The following PDE4B variants were observed in gnomAD, a reference collection of about 807,000 sequenced individuals.
PDE4B encodes 3',5'-cyclic-AMP phosphodiesterase 4B.
In PDE4B, 20 loss-of-function variants were observed where a neutral mutation model predicts 82.2. That is an observed-to-expected ratio of 0.24 (90% confidence interval 0.17 to 0.35). PDE4B has a LOEUF of 0.35. Among genes scored for constraint, PDE4B ranks in the 10% least tolerant of loss-of-function variants. The pLI is 1.00. For missense variants in PDE4B, 655 were observed against 907.2 expected (o/e 0.72, Z 3.57); for synonymous variants, 320 against 318.9 (o/e 1.00, Z -0.04).
chr1:66,366,086 A>C (rs1297124229), intron 13 of PDE4B, among the ~76,000 whole-genome samples: 1 of 152,148 alleles, frequency 6.6e-6, no homozygotes, highest in East Asian at 1.9e-4. Flanking sequence ...ATCCCATGAT[A>C]ATGACTTTTT....
At chr1:66,033,696 A>G (rs1375884405) in intron 3 of PDE4B, among the ~76,000 whole-genome samples, 1 of 146,126 alleles carries the variant, frequency 6.8e-6, no homozygotes, top group Non-Finnish European at 1.5e-5. Context: ...AAGCAAAAGT[A>G]GACAGCAGCA....
chr1:66,372,892 G>C lies in PDE4B; in HGVS notation c.*214G>C. On this transcript the variant is annotated 3_prime_UTR_variant, in exon 17 of 17. Coordinates refer to ENST00000341517, the MANE Select transcript of PDE4B (RefSeq NM_002600.4). Reference sequence around the variant, plus strand: ...TTGCCTTGATGGCAAGCTTGGTGGAGAGGGCTGAAGCTGTTGCTGGGGGCC... The same window carrying C: ...TTGCCTTGATGGCAAGCTTGGTGGACAGGGCTGAAGCTGTTGCTGGGGGCC... The C allele has an allele frequency of 1.8e-6, 1 of 540,826 alleles. No homozygotes were observed. The highest frequency in any genetic ancestry group is 3.3e-6 in the Non-Finnish European group (1 of 303,302). The allele number at this position is 540,826 out of a possible 1,614,324, so 33.5% of individuals were successfully genotyped here.
intron 1 of PDE4B, among the ~76,000 whole-genome samples, chr1:65,861,058 C>G (rs994990037): frequency 6.6e-6 from 1 of 152,108 alleles, no homozygotes; most frequent in South Asian, 2.1e-4. Context: ...TTAATTAGAT[C>G]CCTTTTGTCA....
At chr1:66,368,641 A>AT (rs990184613) in intron 15 of PDE4B, 146 bp from the exon 16 acceptor site, 24 of 504,882 alleles carry the variant, frequency 4.8e-5, no homozygotes, top group Non-Finnish European at 6.4e-5. Context: ...TTGTAATTCC[A>AT]TTTTTTTTCG....
chr1:66,294,944 C>G (rs934871671), intron 7 of PDE4B, among the ~76,000 whole-genome samples: 10 of 152,164 alleles, frequency 6.6e-5, no homozygotes, highest in Non-Finnish European at 5.9e-5. Flanking sequence ...ATAGCTGGCT[C>G]AGAGAACCTT....
chr1:66,222,935 GAAT>G (rs1651114424), intron 3 of PDE4B, among the ~76,000 whole-genome samples: 1 of 152,118 alleles, frequency 6.6e-6, no homozygotes, highest in African/African-American at 2.4e-5. Flanking sequence ...TAAAGTAAAT[GAAT>G]AATAAAAGAT....
rs766627917 is a variant in PDE4B, at chr1:65,887,186, TTTTCTTTC to T, written c.-70-26003_-70-25996del. 4.8e-4 allele frequency among the ~76,000 whole-genome samples: 29 copies of T among 60,116 alleles called. 1 individual carries two copies. Among genetic ancestry groups the T allele is most frequent in the South Asian group, 1.6e-3 (2 of 1,242 alleles). 39.4% of individuals were successfully genotyped at this position (60,116 alleles called of 152,430 possible). On this transcript the variant is annotated intron_variant, in intron 1 of 16. Coordinates refer to ENST00000341517, the MANE Select transcript of PDE4B (RefSeq NM_002600.4). Reference sequence around the variant, plus strand: ...TCCTTCCTTCCCTCCCTCCCTCCCTTTTTCTTTCTTTCTTTCTTTCTTTCTTTCTTTCT... The same window carrying T: ...TCCTTCCTTCCCTCCCTCCCTCCCTTTTTCTTTCTTTCTTTCTTTCTTTCT...
chr1:66,196,487 A>G (rs1230211386), intron 3 of PDE4B, among the ~76,000 whole-genome samples: 2 of 152,176 alleles, frequency 1.3e-5, no homozygotes, highest in Non-Finnish European at 2.9e-5. Context: ...AGGCCAGCAC[A>G]TCTCTGTAGA....
chr1:66,193,757 A>T (rs1005426337), intron 3 of PDE4B, among the ~76,000 whole-genome samples: 1 of 152,150 alleles, frequency 6.6e-6, no homozygotes, highest in African/African-American at 2.4e-5. Flanking sequence ...GTTATTACCT[A>T]CATGGAATGC....
intron 3 of PDE4B, among the ~76,000 whole-genome samples, chr1:66,187,045 G>T (rs919209772): frequency 7.9e-5 from 12 of 152,124 alleles, no homozygotes; most frequent in African/African-American, 2.9e-4. Flanking sequence ...TAGTATGAAG[G>T]TTGTTGAATT....
chr1:65,912,384 C>T (rs1480933269), intron 1 of PDE4B, among the ~76,000 whole-genome samples: 1 of 152,044 alleles, frequency 6.6e-6, no homozygotes, highest in African/African-American at 2.4e-5. Context: ...CACCTTTTAC[C>T]CCCCTCCCAC....
intron 1 of PDE4B, among the ~76,000 whole-genome samples, chr1:65,840,868 A>C (rs114213120): frequency 1.3e-5 from 2 of 152,228 alleles, no homozygotes; most frequent in African/African-American, 4.8e-5. Context: ...GTTAGACTGA[A>C]CAACTGAAAT....
At chr1:65,988,054 G>T (rs1651047838) in intron 3 of PDE4B, among the ~76,000 whole-genome samples, 7 of 152,198 alleles carry the variant, frequency 4.6e-5, no homozygotes, top group Admixed American at 4.6e-4. Flanking sequence ...ACAAGACTCA[G>T]CCCAGCCCAA....
chr1:66,219,206 G>A (rs1042047406), intron 3 of PDE4B, among the ~76,000 whole-genome samples: 2 of 152,052 alleles, frequency 1.3e-5, no homozygotes, highest in Non-Finnish European at 2.9e-5. Context: ...GTGCAGTGGC[G>A]AGGGCAACAT....
chr1:66,096,561 G>C (rs1645125771), intron 3 of PDE4B, among the ~76,000 whole-genome samples: 1 of 127,246 alleles, frequency 7.9e-6, no homozygotes, highest in African/African-American at 2.9e-5. Context: ...CAAAGGCTTA[G>C]TATAAAATTT....
At chr1:65,819,275 C>T (rs901446212) in intron 1 of PDE4B, among the ~76,000 whole-genome samples, 1 of 152,016 alleles carries the variant, frequency 6.6e-6, no homozygotes, top group Non-Finnish European at 1.5e-5. Context: ...GATAACCCAA[C>T]TGTTTTGTCC....
At chr1:65,901,713 G>A (rs956584982) in intron 1 of PDE4B, among the ~76,000 whole-genome samples, 3 of 151,954 alleles carry the variant, frequency 2.0e-5, no homozygotes, top group Non-Finnish European at 4.4e-5. Flanking sequence ...AATTTAGCTA[G>A]TGTTCTATTC....
intron 7 of PDE4B, among the ~76,000 whole-genome samples, chr1:66,294,186 A>G (rs1657325223): frequency 6.6e-6 from 1 of 152,156 alleles, no homozygotes. Flanking sequence ...ACCCTGGGTG[A>G]CACAGCAATA....
intron 3 of PDE4B, among the ~76,000 whole-genome samples, chr1:66,048,052 G>T (rs564618969): frequency 1.3e-5 from 2 of 152,010 alleles, no homozygotes; most frequent in Admixed American, 1.3e-4. Context: ...TTTCAGACTT[G>T]CTTCCAGTAT....
Sources: allele counts gnomAD v4.1 joint callset (sites outside exome capture counted in the v4.1 genomes callset), GRCh38; gene constraint gnomAD v4.1.1; transcripts MANE v1.5; gene names NCBI Gene and HGNC (gene_info 2026-07-23, HGNC 2026-07-21).